The following RORB variants were observed in gnomAD, a reference collection of about 807,000 sequenced individuals.
RORB encodes the protein RAR related orphan receptor B, also known as nuclear receptor ROR-beta.
A neutral mutation model predicts 59.1 loss-of-function variants in RORB; 6 were observed. The observed-to-expected ratio is 0.10, with a 90% CI of 0.06 to 0.20. The LOEUF is 0.20. RORB is among the 10% of genes least tolerant of loss of function. The pLI is 1.00. For synonymous variants in RORB, 215 were observed against 204.5 expected, an observed-to-expected ratio of 1.05 and a Z score of -0.44; for missense variants, 320 against 560.5, an observed-to-expected ratio of 0.57 and a Z score of 4.33.
chr9:74,645,686 C>G (rs767094982), intron 4 of RORB, among the ~76,000 whole-genome samples: 8 of 152,082 alleles, frequency 5.3e-5, no homozygotes, highest in Non-Finnish European at 1.2e-4. Flanking sequence ...CTGTGATGAG[C>G]AAGTCCTATT....
chr9:74,562,074 G>C (rs541165761), intron 1 of RORB, among the ~76,000 whole-genome samples: 2 of 152,122 alleles, frequency 1.3e-5, no homozygotes, highest in Non-Finnish European at 2.9e-5. Flanking sequence ...TTGTCAGTAC[G>C]TCATATTGCT....
chr9:74,542,486 A>C (rs779490910), intron 1 of RORB, among the ~76,000 whole-genome samples: 1 of 152,182 alleles, frequency 6.6e-6, no homozygotes, highest in Non-Finnish European at 1.5e-5. Context: ...ACAGAAAGGC[A>C]AGGAGCTAGA....
At chr9:74,563,216 C>T (rs1409038794) in intron 1 of RORB, among the ~76,000 whole-genome samples, 1 of 141,490 alleles carries the variant, frequency 7.1e-6, no homozygotes, top group African/African-American at 2.7e-5. Flanking sequence ...GATGGAGTCT[C>T]GCTCTGTCGC....
chr9:74,672,376 C>T (rs1288976979), intron 9 of RORB, among the ~76,000 whole-genome samples: 1 of 152,138 alleles, frequency 6.6e-6, no homozygotes, highest in African/African-American at 2.4e-5. Flanking sequence ...TGTCATAGGA[C>T]ATGTTCTAGT....
chr9:74,658,698 T>G (rs1824130453), intron 4 of RORB, among the ~76,000 whole-genome samples: 1 of 148,514 alleles, frequency 6.7e-6, no homozygotes, highest in African/African-American at 2.4e-5. Flanking sequence ...AGCAAATATG[T>G]TTTTTTAGAT....
At chr9:74,618,588 C>T (rs1823350702) in intron 1 of RORB, among the ~76,000 whole-genome samples, 1 of 152,034 alleles carries the variant, frequency 6.6e-6, no homozygotes. Context: ...TTCTTTGCCA[C>T]CAACCAGAAA....
chr9:74,544,938 A>C (rs953843789), intron 1 of RORB, among the ~76,000 whole-genome samples: 4 of 152,176 alleles, frequency 2.6e-5, no homozygotes, highest in African/African-American at 7.2e-5. Context: ...TGGGGAGGCC[A>C]TTTAACTCTT....
At chr9:74,621,601 C>A (rs1823421219) in intron 1 of RORB, among the ~76,000 whole-genome samples, 2 of 152,170 alleles carry the variant, frequency 1.3e-5, no homozygotes, top group African/African-American at 4.8e-5. Flanking sequence ...ATGGTAAATA[C>A]CTAGGCACAC....
intron 1 of RORB, among the ~76,000 whole-genome samples, chr9:74,619,896 T>C (rs1823381963): frequency 6.6e-6 from 1 of 152,214 alleles, no homozygotes; most frequent in Non-Finnish European, 1.5e-5. Context: ...GAAGCCAACT[T>C]GATCATGGTG....
At chr9:74,516,891 C>T (rs917524268) in intron 1 of RORB, among the ~76,000 whole-genome samples, 3 of 151,964 alleles carry the variant, frequency 2.0e-5, no homozygotes, top group Admixed American at 6.6e-5. Flanking sequence ...TGCAATGTTT[C>T]CTCACATACC....
intron 8 of RORB, 39 bp from the exon 9 acceptor site, chr9:74,671,750 T>C (rs1824349449): frequency 1.5e-6 from 2 of 1,312,530 alleles, no homozygotes; most frequent in African/African-American, 1.5e-5. Context: ...CAAAACAAAG[T>C]TGATGTTCCC....
chr9:74,597,783 A>AC (rs772461908), intron 1 of RORB, among the ~76,000 whole-genome samples: 1 of 151,994 alleles, frequency 6.6e-6, no homozygotes, highest in Non-Finnish European at 1.5e-5. Context: ...ACATGGAGAA[A>AC]CCCCGTCTCT....
At chr9:74,550,099 A>G (rs182351469) in intron 1 of RORB, among the ~76,000 whole-genome samples, 33 of 152,308 alleles carry the variant, frequency 2.2e-4, no homozygotes, top group African/African-American at 6.7e-4. Flanking sequence ...ACGTGAATTC[A>G]AAATGTTCTT....
chr9:74,614,432 T>C (rs925420985), intron 1 of RORB, among the ~76,000 whole-genome samples: 2 of 152,140 alleles, frequency 1.3e-5, no homozygotes, highest in East Asian at 3.9e-4. Flanking sequence ...TATTTTCTAC[T>C]AAATGAGTAG....
At chr9:74,660,492 A>T in intron 4 of RORB, 125 bp from the exon 5 acceptor site, 2 of 699,400 alleles carry the variant, frequency 2.9e-6, no homozygotes, top group South Asian at 7.6e-5. Context: ...GATAGATAGC[A>T]ATGTTAAAGA....
chr9:74,586,172 T>TA (rs1379946089), intron 1 of RORB, among the ~76,000 whole-genome samples: 1 of 152,084 alleles, frequency 6.6e-6, no homozygotes, highest in Non-Finnish European at 1.5e-5. Flanking sequence ...TAATGGCATA[T>TA]AAAATCTAGA....
chr9:74,587,763 C>A (rs997846895), intron 1 of RORB, among the ~76,000 whole-genome samples: 1 of 152,114 alleles, frequency 6.6e-6, no homozygotes, highest in African/African-American at 2.4e-5. Flanking sequence ...GATGGCAAGG[C>A]CCAATGTGTG....
intron 3 of RORB, among the ~76,000 whole-genome samples, chr9:74,636,353 C>A (rs1823702996): frequency 6.6e-6 from 1 of 152,116 alleles, no homozygotes; most frequent in South Asian, 2.1e-4. Context: ...CTTCTTCCTA[C>A]AATAAAAGGA....
At chr9:74,533,187 TTA>T (rs765194489) in intron 1 of RORB, among the ~76,000 whole-genome samples, 46 of 152,092 alleles carry the variant, frequency 3.0e-4, no homozygotes, top group Non-Finnish European at 4.4e-4. Context: ...CTAATTCGTT[TTA>T]TAGAATTATC....
Sources: allele counts gnomAD v4.1 joint callset (sites outside exome capture counted in the v4.1 genomes callset), GRCh38; gene constraint gnomAD v4.1.1; transcripts MANE v1.5; gene names NCBI Gene and HGNC (gene_info 2026-07-23, HGNC 2026-07-21).